Variants in ZNF746 observed in about 807,000 individuals in gnomAD.
The protein encoded by ZNF746 is parkin-interacting substrate.
A neutral mutation model predicts 41.0 loss-of-function variants in ZNF746; 13 were observed. That is an observed-to-expected ratio of 0.32 (90% CI 0.21 to 0.50). The LOEUF (loss-of-function observed/expected upper bound fraction) is 0.50, where lower values mean the gene tolerates loss of function less well. Among genes scored for constraint, ZNF746 ranks in the 20% least tolerant of loss-of-function variants. The pLI is 0.98. For synonymous variants in ZNF746, 424 were observed against 396.2 expected (o/e 1.07, Z -0.83); for missense variants, 811 against 922.9 (o/e 0.88, Z 1.57).
At position 149,473,674 on chromosome 7, in the gene ZNF746, C is replaced by T. The variant is rs975859634; in HGVS notation, c.*710G>A. On this transcript the variant is annotated 3_prime_UTR_variant, in exon 7 of 7. Transcript: ENST00000458143. The stretch of plus-strand genomic sequence containing the variant: ...AACGCTGGGATTTCAGACAACTCGT[C>T]CTTATGAGGCCAGGGAGTCACACAC... 6.5e-6 allele frequency: 1 copy of T among 152,854 alleles called. No individual in the cohort carries two copies. The highest frequency in any genetic ancestry group is 2.4e-5 in the African/African-American group (1 of 41,442). 9.5% of individuals were successfully genotyped at this position (152,854 alleles called of 1,614,324 possible).
chr7:149,492,600 C>G (rs934810137), intron 4 of ZNF746, among the ~76,000 whole-genome samples: 1 of 152,222 alleles, frequency 6.6e-6, no homozygotes, highest in African/African-American at 2.4e-5. Flanking sequence ...TCTCCCTCCC[C>G]TCAACCTGTG....
chr7:149,484,334 T>C (rs1257145919), intron 4 of ZNF746, among the ~76,000 whole-genome samples: 1 of 152,196 alleles, frequency 6.6e-6, no homozygotes, highest in Non-Finnish European at 1.5e-5. Context: ...TAAAGGATCA[T>C]GACAAAGTTA....
chr7:149,491,891 C>G (rs1285063757), intron 4 of ZNF746: 8 of 701,402 alleles, frequency 1.1e-5, no homozygotes, highest in Non-Finnish European at 1.6e-5. Context: ...CCTGTGTCCA[C>G]CTGTCCTTCC....
rs1801043223 is a variant in ZNF746, at chr7:149,497,385, G to A, written c.24+128C>T. 6 of 999,160 alleles carry A rather than the reference G, an allele frequency of 6.0e-6. No individual in the cohort carries two copies. The highest frequency in any genetic ancestry group is 9.5e-5 in the East Asian group (1 of 10,484). The allele number at this position is 999,160 out of a possible 1,614,324, so 61.9% of individuals were successfully genotyped here. The stretch of plus-strand genomic sequence containing the variant: ...GGCGGACCCCGCGCCCCATTCGCGG[G>A]AGCCCCAGGCCCGGTGGTCCGGCCC... On this transcript the variant is annotated intron_variant, in intron 1 of 6. Transcript: ENST00000458143. The surrounding 1 kb of genome is among the most constrained non-coding windows in gnomAD (Gnocchi z 4.2).
chr7:149,473,786 T>A lies in ZNF746; in HGVS notation c.*598A>T, dbSNP rs1408301751. On this transcript the variant is annotated 3_prime_UTR_variant, in exon 7 of 7. Coordinates refer to ENST00000458143, the MANE Select transcript of ZNF746 (RefSeq NM_001394198.1). ...TTGGGGCCAGCACTTTTGGGGGGCC[T>A]TTTCAGGAGAGGCAAGCTGGGAAAT... 6.4e-6 allele frequency: 1 copy of A among 156,206 alleles called. No homozygotes were observed. Among genetic ancestry groups the A allele is most frequent in the East Asian group, 1.9e-4 (1 of 5,198 alleles). 9.7% of individuals were successfully genotyped at this position (156,206 alleles called of 1,614,324 possible).
rs763212188 is a variant in ZNF746 at position 149,477,547 on chromosome 7, C to T, written c.757+17G>A. ...TCCCTGCAACTTGTTCCTTATGTCC[C>T]CGTCTCAGCCACTTACCAGAGGTGG... On this transcript the variant is annotated intron_variant, in intron 5 of 6. Transcript: ENST00000458143. 6.3e-7 allele frequency: 1 copy of T among 1,584,926 alleles called. No individual in the cohort carries two copies. Among genetic ancestry groups the T allele is most frequent in the Non-Finnish European group, 8.6e-7 (1 of 1,160,682 alleles).
Position 149,477,096 on chromosome 7 carries a change from G to A in ZNF746, c.758-49C>T, listed in dbSNP as rs769732810. On this transcript the variant is annotated intron_variant, in intron 5 of 6. Coordinates refer to ENST00000458143, the MANE Select transcript of ZNF746 (RefSeq NM_001394198.1). ...CGGTGGGTTAGGGGACGGACGGGGA[G>A]GACAGAAGACTGTTGGGGAGGAGAG... The A allele has an allele frequency of 6.4e-6, 10 of 1,568,278 alleles. No individual in the cohort carries two copies. In the South Asian group the frequency reaches 1.1e-4, roughly 17 times the overall value.
chr7:149,474,855 G>GCCA lies in ZNF746; in HGVS notation c.1509_1511dup (p.Gly505dup). 1 of 1,453,958 alleles carries GCCA rather than the reference G, an allele frequency of 6.9e-7. No homozygotes were observed. The highest frequency in any genetic ancestry group is 1.3e-5 in the South Asian group (1 of 75,228). 90.1% of individuals were successfully genotyped at this position (1,453,958 alleles called of 1,614,324 possible). Reference sequence around the variant, plus strand: ...CACCGCCGCCGCCACTGCCGCTGCCGCCACCGCCTGTGCCCGGGCCCGACC... The same window carrying GCCA: ...CACCGCCGCCGCCACTGCCGCTGCCGCCACCACCGCCTGTGCCCGGGCCCGACC... On this transcript the variant is annotated inframe_insertion, in exon 7 of 7. Transcript: ENST00000458143. The surrounding 1 kb of genome is among the most constrained non-coding windows in gnomAD (Gnocchi z 6.3).
intron 4 of ZNF746, among the ~76,000 whole-genome samples, chr7:149,483,966 G>A (rs1036184670): frequency 6.6e-6 from 1 of 152,100 alleles, no homozygotes; most frequent in Non-Finnish European, 1.5e-5. Context: ...AAAACTCTGG[G>A]GAAATGGACA....
rs748411008 is a variant in ZNF746, at chr7:149,475,349, C to A, written c.1018G>T (p.Ala340Ser). 6.2e-7 allele frequency: 1 copy of A among 1,614,088 alleles called. No homozygotes were observed. Among genetic ancestry groups the A allele is most frequent in the Non-Finnish European group, 8.5e-7 (1 of 1,180,012 alleles). The change falls in exon 7 of 7, where the codon GCC becomes TCC. Residue 340 changes from alanine to serine, a missense_variant. By Grantham distance (99) the Ala-to-Ser change is moderately conservative. Around this residue, in one of 4 missense-constraint regions of ZNF746, gnomAD observed 495 missense variants for 481.6 expected, o/e 1.03. Transcript: ENST00000458143. ...GQATRFFPSPAQEGAWESQGS... is the reference protein window; with the variant it reads ...GQATRFFPSPSQEGAWESQGS... ...TGGCTTTCCCAGGCTCCTTCCTGGG[C>A]AGGACTAGGGAAGAACCGTGTGGCT...
chr7:149,483,786 G>A (rs926944162), intron 4 of ZNF746, among the ~76,000 whole-genome samples: 4 of 152,090 alleles, frequency 2.6e-5, no homozygotes, highest in African/African-American at 9.7e-5. Context: ...AGTCAAAGTT[G>A]GTTATTTGAA....
chr7:149,475,406 C>G lies in ZNF746; in HGVS notation c.961G>C (p.Glu321Gln). 1 of 1,614,210 alleles carries G rather than the reference C, an allele frequency of 6.2e-7. No homozygotes were observed. Among genetic ancestry groups the G allele is most frequent in the Non-Finnish European group, 8.5e-7 (1 of 1,180,016 alleles). ...GGTCCAAACAGGGTCCCGTGAGCCT[C>G]TAGGTCAGTAGGATGTACGGGTGTG... ...VATPVHPTDL[E>Q]AHGTLFGPGQ... is the part of the protein sequence containing the mutation. The change falls in exon 7 of 7, where the codon GAG becomes CAG. Residue 321 changes from glutamate to glutamine, a missense_variant. This residue lies in a region of ZNF746 where 495 missense variants were observed against 481.6 expected (regional missense o/e 1.03). Coordinates refer to ENST00000458143, the MANE Select transcript of ZNF746 (RefSeq NM_001394198.1).
chr7:149,478,471 A>G (rs1800385589), intron 4 of ZNF746, among the ~76,000 whole-genome samples: 1 of 152,164 alleles, frequency 6.6e-6, no homozygotes, highest in Admixed American at 6.5e-5. Flanking sequence ...AATTCACACT[A>G]CCCACACGGG....
chr7:149,485,799 G>T (rs2116662798), intron 4 of ZNF746, among the ~76,000 whole-genome samples: 1 of 152,328 alleles, frequency 6.6e-6, no homozygotes, highest in African/African-American at 2.4e-5. Flanking sequence ...CAGCACTTTG[G>T]GAGGCCGAGG....
chr7:149,489,088 CA>C (rs1562991252), intron 4 of ZNF746: 1 of 151,932 alleles, frequency 6.6e-6, no homozygotes, highest in Non-Finnish European at 1.5e-5. Context: ...TTTCAGAACA[CA>C]AAAAACCGTA....
intron 3 of ZNF746, 129 bp from the exon 4 acceptor site, chr7:149,493,101 G>C: frequency 3.0e-6 from 2 of 665,116 alleles, no homozygotes; most frequent in Non-Finnish European, 5.2e-6. Flanking sequence ...CTCAACCACA[G>C]GCAATTTTGC....
At chr7:149,476,169 C>G (rs191181085) in intron 6 of ZNF746, among the ~76,000 whole-genome samples, 97 of 152,064 alleles carry the variant, frequency 6.4e-4, no homozygotes, top group African/African-American at 2.3e-3. Context: ...GAAAAATTAG[C>G]TGGGCGTGGT....
At chr7:149,480,116 G>A (rs1800442329) in intron 4 of ZNF746, among the ~76,000 whole-genome samples, 1 of 152,148 alleles carries the variant, frequency 6.6e-6, no homozygotes, top group African/African-American at 2.4e-5. Context: ...ACCAGCTGAG[G>A]AACACACACA....
Position 149,474,910 on chromosome 7 carries a change from G to C in ZNF746, c.1457C>G (p.Ala486Gly). Reference sequence around the variant, plus strand: ...GGGCGCCCCACAGCTGCGCTGGTGCGCGCTCAGGCTGACTTGCAGCTGGAA... The same window carrying C: ...GGGCGCCCCACAGCTGCGCTGGTGCCCGCTCAGGCTGACTTGCAGCTGGAA... ...KSFQLQVSLS[A>G]HQRSCGAPDG... is the part of the protein sequence containing the mutation. The change falls in exon 7 of 7, where the codon GCG (alanine) becomes GGG (glycine). Residue 486 changes from alanine (A) to glycine (G), a missense_variant. Transcript: ENST00000458143. The surrounding 1 kb of genome is among the most constrained non-coding windows in gnomAD (Gnocchi z 6.3). 6.5e-7 allele frequency: 1 copy of C among 1,538,234 alleles called. No homozygotes were observed. Among genetic ancestry groups the C allele is most frequent in the Non-Finnish European group, 8.7e-7 (1 of 1,146,060 alleles).
Sources: gnomAD v4.1 joint callset for allele counts (sites outside exome capture counted in the v4.1 genomes callset) on GRCh38, gnomAD v4.1.1 for gene constraint, gnomAD v4.1.1 regional missense constraint, Gnocchi (gnomAD v3.1) non-coding constraint, MANE v1.5 for transcripts, NCBI Gene and HGNC (gene_info 2026-07-23, HGNC 2026-07-21) for gene names.